The following JAZF1 variants were observed in gnomAD, a reference collection of about 807,000 sequenced individuals.
JAZF1 encodes JAZF zinc finger 1.
Under a neutral mutation model 26.4 loss-of-function variants are expected in JAZF1, and 8 were observed. The ratio of observed to expected loss-of-function variants is 0.30; its 90% CI spans 0.18 to 0.55. The LOEUF (loss-of-function observed/expected upper bound fraction) is 0.55. JAZF1 is among the 20% of genes least tolerant of loss of function. The pLI is 0.94. For synonymous variants in JAZF1, 126 were observed against 122.3 expected, an observed-to-expected ratio of 1.03 and a Z score of -0.20; for missense variants, 199 against 322.0, an observed-to-expected ratio of 0.62 and a Z score of 2.92.
At chr7:27,895,473 T>C in intron 2 of JAZF1, 57 bp from the exon 3 acceptor site, 1 of 1,292,828 alleles carries the variant, frequency 7.7e-7, no homozygotes, top group Non-Finnish European at 1.1e-6. Flanking sequence ...TGAGGACTGA[T>C]GACATTTATT....
At chr7:27,981,259 A>G (rs1355051819) in intron 2 of JAZF1, among the ~76,000 whole-genome samples, 1 of 152,224 alleles carries the variant, frequency 6.6e-6, no homozygotes, top group African/African-American at 2.4e-5. Flanking sequence ...AATTTACAGT[A>G]AATACAGAAG....
At chr7:27,958,670 T>C (rs1225392104) in intron 2 of JAZF1, among the ~76,000 whole-genome samples, 1 of 152,170 alleles carries the variant, frequency 6.6e-6, no homozygotes, top group Non-Finnish European at 1.5e-5. Context: ...GGGGTCCAGT[T>C]CTGTGTGACT....
At chr7:27,959,857 G>A (rs182594442) in intron 2 of JAZF1, among the ~76,000 whole-genome samples, 15 of 151,492 alleles carry the variant, frequency 9.9e-5, no homozygotes, top group African/African-American at 3.6e-4. Flanking sequence ...CCGAGATCAT[G>A]CTATTGCACT....
At chr7:28,050,351 C>T (rs187916307) in intron 1 of JAZF1, among the ~76,000 whole-genome samples, 35 of 152,182 alleles carry the variant, frequency 2.3e-4, no homozygotes, top group African/African-American at 7.2e-4. Context: ...GAATGGGAAG[C>T]GACTGCTGAT....
At chr7:27,933,243 T>C (rs1784713714) in intron 2 of JAZF1, among the ~76,000 whole-genome samples, 1 of 152,246 alleles carries the variant, frequency 6.6e-6, no homozygotes, top group Admixed American at 6.5e-5. Context: ...TGATGTGATA[T>C]GAGCATTTTG....
chr7:28,129,213 C>T (rs1408830972), intron 1 of JAZF1, among the ~76,000 whole-genome samples: 2 of 152,076 alleles, frequency 1.3e-5, no homozygotes, highest in African/African-American at 2.4e-5. Flanking sequence ...CATATAATCT[C>T]TTAGTGTTCC....
At chr7:28,061,989 G>T (rs767131608) in intron 1 of JAZF1, among the ~76,000 whole-genome samples, 3 of 152,180 alleles carry the variant, frequency 2.0e-5, no homozygotes, top group African/African-American at 4.8e-5. Context: ...GGTGAAGGAC[G>T]GAGTGGGGAA....
chr7:27,907,798 G>A (rs565962399), intron 2 of JAZF1, among the ~76,000 whole-genome samples: 8 of 152,240 alleles, frequency 5.3e-5, no homozygotes, highest in South Asian at 2.1e-4. Flanking sequence ...AGTGGCTCTC[G>A]TGCCACTTAA....
chr7:27,867,172 G>C (rs1044017854), intron 3 of JAZF1, among the ~76,000 whole-genome samples: 8 of 152,182 alleles, frequency 5.3e-5, no homozygotes, highest in Non-Finnish European at 1.0e-4. Context: ...TTTATGCCAA[G>C]AGAAAGCTCA....
At chr7:27,902,865 A>T (rs1292728739) in intron 2 of JAZF1, among the ~76,000 whole-genome samples, 3 of 152,020 alleles carry the variant, frequency 2.0e-5, no homozygotes, top group African/African-American at 7.2e-5. Flanking sequence ...AAATACAAAA[A>T]ATTAGCCAGG....
At chr7:28,119,325 T>C (rs1784800677) in intron 1 of JAZF1, among the ~76,000 whole-genome samples, 1 of 152,186 alleles carries the variant, frequency 6.6e-6, no homozygotes, top group African/African-American at 2.4e-5. Flanking sequence ...TAACCATTAA[T>C]ACCCGCTGCC....
chr7:28,077,565 A>G lies in JAZF1; in HGVS notation c.116-85584T>C, dbSNP rs570475073. The stretch of plus-strand genomic sequence containing the variant: ...CACTTAAAATTAATTACCTGATAGA[A>G]CCACCTTAACTACAAAAAAAAGTGG... On this transcript the variant is annotated intron_variant, in intron 1 of 4. Coordinates refer to ENST00000283928, the MANE Select transcript of JAZF1 (RefSeq NM_175061.4). Among the ~76,000 whole-genome samples the G allele has an allele frequency of 8.0e-5, 12 of 149,286 alleles. No individual in the cohort carries two copies. The South Asian group carries it at 2.1e-3, about 26-fold the overall frequency.
chr7:27,903,247 C>T (rs368639539), intron 2 of JAZF1, among the ~76,000 whole-genome samples: 3 of 152,190 alleles, frequency 2.0e-5, no homozygotes, highest in South Asian at 4.2e-4. Flanking sequence ...CTCACTCTGT[C>T]GCCCAGGCTG....
At chr7:27,833,076 G>C (rs1761877953) in intron 4 of JAZF1, 100 bp from the exon 5 acceptor site, 1 of 878,184 alleles carries the variant, frequency 1.1e-6, no homozygotes, top group African/African-American at 1.7e-5. Context: ...CTGGATGGCA[G>C]CTGTTTAGAG....
chr7:27,956,242 A>G (rs1290838114), intron 2 of JAZF1, among the ~76,000 whole-genome samples: 3 of 152,062 alleles, frequency 2.0e-5, no homozygotes, highest in African/African-American at 7.2e-5. Flanking sequence ...GCACCTGTGA[A>G]TGTGCAGCTA....
At chr7:28,104,188 G>A (rs1351106799) in intron 1 of JAZF1, among the ~76,000 whole-genome samples, 1 of 152,094 alleles carries the variant, frequency 6.6e-6, no homozygotes, top group Non-Finnish European at 1.5e-5. Flanking sequence ...CGACTCCCCA[G>A]CCACCCTAGG....
At chr7:28,065,875 G>T (rs945467702) in intron 1 of JAZF1, among the ~76,000 whole-genome samples, 1 of 152,082 alleles carries the variant, frequency 6.6e-6, no homozygotes, top group Non-Finnish European at 1.5e-5. Context: ...CAAACAGTGC[G>T]CATTTTAGAC....
intron 1 of JAZF1, among the ~76,000 whole-genome samples, chr7:28,171,664 TTC>T (rs1217833435): frequency 2.6e-5 from 4 of 152,184 alleles, no homozygotes; most frequent in Admixed American, 6.5e-5. Flanking sequence ...AGAAAAATAT[TTC>T]TGTTTTATAC....
chr7:27,926,517 A>C (rs571435704), intron 2 of JAZF1, among the ~76,000 whole-genome samples: 3 of 152,358 alleles, frequency 2.0e-5, no homozygotes, highest in African/African-American at 7.2e-5. Flanking sequence ...CTAAGAACAT[A>C]CAGGTGCTCT....
Sources: allele counts gnomAD v4.1 joint callset (sites outside exome capture counted in the v4.1 genomes callset), GRCh38; gene constraint gnomAD v4.1.1; transcripts MANE v1.5; gene names NCBI Gene and HGNC (gene_info 2026-07-23, HGNC 2026-07-21).